The following FOXI1 variants were observed in gnomAD, a reference collection of about 807,000 sequenced individuals.
The protein encoded by FOXI1 is forkhead box protein I1.
In FOXI1, 11 loss-of-function variants were observed where a neutral mutation model predicts 16.4. The observed-to-expected ratio is 0.67, with a 90% CI of 0.42 to 1.11. FOXI1 has a LOEUF of 1.11. Ranked by LOEUF, FOXI1 falls within the 50% of genes least tolerant of loss-of-function variation. FOXI1 has a pLI of 0.00. For missense variants in FOXI1, 480 were observed against 506.1 expected (o/e 0.95, Z 0.49); for synonymous variants, 218 against 211.5 (o/e 1.03, Z -0.27).
Position 170,108,780 on chromosome 5 carries a change from C to T in FOXI1, c.*169C>T, listed in dbSNP as rs1330317635. On this transcript the variant is annotated 3_prime_UTR_variant, in exon 2 of 2. Transcript: ENST00000306268. ...CACTGGTTAAGGCTTCTGTTTATCACACATAGGCCCACACACAGACTCACC... is the reference window on the plus strand; with the variant it reads ...CACTGGTTAAGGCTTCTGTTTATCATACATAGGCCCACACACAGACTCACC... The T allele has an allele frequency of 1.6e-6, 1 of 639,530 alleles. No homozygotes were observed. The highest frequency in any genetic ancestry group is 2.8e-6 in the Non-Finnish European group (1 of 359,968). 39.6% of individuals were successfully genotyped at this position (639,530 alleles called of 1,614,324 possible).
chr5:170,106,190 G>A lies in FOXI1; in HGVS notation c.233G>A (p.Gly78Asp), dbSNP rs1297992207. Residue 78 changes from glycine (G) to aspartate (D), a missense_variant, in exon 1 of 2, where the codon GGC becomes GAC. This residue lies in a region of FOXI1 where 219 missense variants were observed against 222.9 expected (regional missense o/e 0.98). Transcript: ENST00000306268. ...ATGACCCCGCCACCCTACCTGCCCG[G>A]CCCCAACGCCAGCCCCTTCCTGCCC... ...PTMTPPPYLPGPNASPFLPQA... is the reference protein window; with the variant it reads ...PTMTPPPYLPDPNASPFLPQA... 1.3e-6 allele frequency: 2 copies of A among 1,586,372 alleles called. No homozygotes were observed. The highest frequency in any genetic ancestry group is 8.6e-7 in the Non-Finnish European group (1 of 1,165,442).
rs773987289 is a variant in FOXI1 at position 170,106,519 on chromosome 5, G to A, written c.562G>A (p.Glu188Lys). Residue 188 changes from glutamate to lysine, a missense_variant, in exon 1 of 2, where the codon GAG becomes AAG. Physicochemically the swap from Glu to Lys is moderately conservative, Grantham distance 56. Around this residue, in one of 3 missense-constraint regions of FOXI1, gnomAD observed 257 missense variants for 262.2 expected, o/e 0.98. Transcript: ENST00000306268. Reference sequence around the variant, plus strand: ...CTGCTTCAAGAAGGTGCCCCGCGACGAGGACGACCCGGGTAAGGAGGCTTT... The same window carrying A: ...CTGCTTCAAGAAGGTGCCCCGCGACAAGGACGACCCGGGTAAGGAGGCTTT... ...NDCFKKVPRD[E>K]DDPGKGNYWT... The A allele has an allele frequency of 6.8e-6, 11 of 1,614,128 alleles. No homozygotes were observed. Among genetic ancestry groups the A allele is most frequent in the Admixed American group, 3.3e-5 (2 of 60,014 alleles).
rs977988172 is a variant in FOXI1 at position 170,109,720 on chromosome 5, C to T, written c.*1109C>T. The T allele has an allele frequency of 1.3e-5, 2 of 152,136 alleles. No individual in the cohort carries two copies. Among genetic ancestry groups the T allele is most frequent in the African/African-American group, 4.8e-5 (2 of 41,440 alleles). The allele number at this position is 152,136 out of a possible 1,614,324, so 9.4% of individuals were successfully genotyped here. On this transcript the variant is annotated 3_prime_UTR_variant, in exon 2 of 2. Transcript: ENST00000306268. The stretch of plus-strand genomic sequence containing the variant: ...ATTTTCTTTTTAATTAAAAAACAAA[C>T]AAACATGTGGTGCAGAAGCGTGGGA...
chr5:170,108,730 C>A lies in FOXI1; in HGVS notation c.*119C>A, dbSNP rs6873124. 172,583 of 791,022 alleles carry A rather than the reference C, an allele frequency of 0.22. 23,562 individuals carry two copies. The highest frequency in any genetic ancestry group is 0.52 in the African/African-American group (30,408 of 58,984). The allele number at this position is 791,022 out of a possible 1,614,324, so 49.0% of individuals were successfully genotyped here. On this transcript the variant is annotated 3_prime_UTR_variant, in exon 2 of 2. Coordinates refer to ENST00000306268, the MANE Select transcript of FOXI1 (RefSeq NM_012188.5). Reference sequence around the variant, plus strand: ...CTGCCCAGACATAAGCAGGAGCCTCCGAGGAATCCACCCTCTTTCTAGAAC... The same window carrying A: ...CTGCCCAGACATAAGCAGGAGCCTCAGAGGAATCCACCCTCTTTCTAGAAC...
In FOXI1 at chr5:170,105,902, G is replaced by C; in HGVS notation, c.-56G>C. ...GCCGGGCCTGCTGAGCACCTGTCAG[G>C]GGCAGCTCCGGGGTGCAGGTGCCAG... On this transcript the variant is annotated 5_prime_UTR_variant, in exon 1 of 2. Coordinates refer to ENST00000306268, the MANE Select transcript of FOXI1 (RefSeq NM_012188.5). 7.5e-7 allele frequency: 1 copy of C among 1,333,704 alleles called. No homozygotes were observed. The highest frequency in any genetic ancestry group is 1.1e-6 in the Non-Finnish European group (1 of 942,144). 82.6% of individuals were successfully genotyped at this position (1,333,704 alleles called of 1,614,324 possible). A position where few individuals can be genotyped will look rare whatever the true frequency, so the allele number is the denominator to read the frequency against.
intron 1 of FOXI1, chr5:170,107,040 T>C: frequency 1.0e-6 from 1 of 983,196 alleles, no homozygotes; most frequent in South Asian, 4.7e-5. Context: ...CCCATTTTGC[T>C]GCCTGCCTTG....
At chr5:170,106,934 G>A (rs1256583446) in intron 1 of FOXI1, 2 of 971,940 alleles carry the variant, frequency 2.1e-6, no homozygotes, top group East Asian at 1.1e-4. Flanking sequence ...CACATAGAAA[G>A]TCTTTGGTGA....
At position 170,108,111 on chromosome 5, in the gene FOXI1, C is replaced by T. The variant is rs775317199; in HGVS notation, c.637C>T (p.Arg213Cys). The T allele has an allele frequency of 1.8e-5, 29 of 1,614,024 alleles. No individual in the cohort carries two copies. Among genetic ancestry groups the T allele is most frequent in the African/African-American group, 2.7e-5 (2 of 74,912 alleles). ...GAAAATGTTCGACAATGGAAATTTC[C>T]GCAGGAAAAGGAAGAGAAAATCAGA... ...CEKMFDNGNF[R>C]RKRKRKSDVS... The change falls in exon 2 of 2, where the codon CGC (arginine) becomes TGC (cysteine). Residue 213 changes from arginine to cysteine, a missense_variant. Physicochemically the swap from Arg to Cys is radical, Grantham distance 180. This residue lies in a region of FOXI1 where 257 missense variants were observed against 262.2 expected (regional missense o/e 0.98). Coordinates refer to ENST00000306268, the MANE Select transcript of FOXI1 (RefSeq NM_012188.5).
Position 170,108,286 on chromosome 5 carries a change from C to T in FOXI1, c.812C>T (p.Pro271Leu). 6.2e-7 allele frequency: 1 copy of T among 1,614,132 alleles called. No homozygotes were observed. Among genetic ancestry groups the T allele is most frequent in the Non-Finnish European group, 8.5e-7 (1 of 1,180,020 alleles). ...TCCCCAGAGAAGCGGCCCTCCCCTC[C>T]CCCATCAGGCGCCCCTTGCCTTAAC... Reference protein sequence around the residue: ...TSSPEKRPSPPPSGAPCLNSF... With the variant: ...TSSPEKRPSPLPSGAPCLNSF... Residue 271 changes from proline (P) to leucine (L), a missense_variant, in exon 2 of 2, where the codon CCC (proline) becomes CTC (leucine). Pro to Leu is a moderately conservative substitution (Grantham distance 98, BLOSUM62 -3). Around this residue, in one of 3 missense-constraint regions of FOXI1, gnomAD observed 257 missense variants for 262.2 expected, o/e 0.98. Coordinates refer to ENST00000306268, the MANE Select transcript of FOXI1 (RefSeq NM_012188.5).
At position 170,108,757 on chromosome 5, in the gene FOXI1, C is replaced by T. The variant is rs1168677593; in HGVS notation, c.*146C>T. On this transcript the variant is annotated 3_prime_UTR_variant, in exon 2 of 2. Coordinates refer to ENST00000306268, the MANE Select transcript of FOXI1 (RefSeq NM_012188.5). ...AGGAATCCACCCTCTTTCTAGAACA[C>T]TGGTTAAGGCTTCTGTTTATCACAC... The T allele has an allele frequency of 8.9e-6, 6 of 676,686 alleles. No homozygotes were observed. Among genetic ancestry groups the T allele is most frequent in the East Asian group, 2.7e-5 (1 of 37,470 alleles). The allele number at this position is 676,686 out of a possible 1,614,324, so 41.9% of individuals were successfully genotyped here.
rs145129881 is a variant in FOXI1 at position 170,108,297 on chromosome 5, G to T, written c.823G>T (p.Ala275Ser). The T allele has an allele frequency of 6.2e-7, 1 of 1,614,048 alleles. No homozygotes were observed. Among genetic ancestry groups the T allele is most frequent in the Middle Eastern group, 1.6e-4 (1 of 6,062 alleles). ...EKRPSPPPSGAPCLNSFLSSM... is the reference protein window; with the variant it reads ...EKRPSPPPSGSPCLNSFLSSM... ...GCGGCCCTCCCCTCCCCCATCAGGC[G>T]CCCCTTGCCTTAACAGCTTCCTTTC... is the stretch of plus-strand genomic sequence containing the variant. The change falls in exon 2 of 2, where the codon GCC becomes TCC. Residue 275 changes from alanine to serine, a missense_variant. Coordinates refer to ENST00000306268, the MANE Select transcript of FOXI1 (RefSeq NM_012188.5).
In FOXI1 at chr5:170,108,657, C is replaced by A; in HGVS notation, c.*46C>A. On this transcript the variant is annotated 3_prime_UTR_variant, in exon 2 of 2. Coordinates refer to ENST00000306268, the MANE Select transcript of FOXI1 (RefSeq NM_012188.5). ...CAGGTGGACATGCCAGAGAGAAAAG[C>A]AGTAGAGGTCCTCCATGCCAGCCCC... 1.4e-6 allele frequency: 2 copies of A among 1,454,152 alleles called. No homozygotes were observed. The highest frequency in any genetic ancestry group is 1.1e-5 in the South Asian group (1 of 87,908). 90.1% of individuals were successfully genotyped at this position (1,454,152 alleles called of 1,614,324 possible). A position where few individuals can be genotyped will look rare whatever the true frequency, so the allele number is the denominator to read the frequency against.
chr5:170,107,824 G>A (rs996050183), intron 1 of FOXI1, among the ~76,000 whole-genome samples: 1 of 152,174 alleles, frequency 6.6e-6, no homozygotes, highest in African/African-American at 2.4e-5. Flanking sequence ...TAATGCTCAT[G>A]CCTCTCGGCT....
chr5:170,106,266 G>T lies in FOXI1; in HGVS notation c.309G>T (p.Gly103=), dbSNP rs1375178612. ...TGCTGCCCAGCGTGTCGGGGCTTGG[G>T]GGGAGCGACCTGGGCTGGCTGCCCA... ...RPLLPSVSGL[G]GSDLGWLPIP... is the part of the protein sequence containing the mutation. The change falls in exon 1 of 2, where the codon GGG becomes GGT. Residue 103 remains glycine (G), a synonymous_variant. Transcript: ENST00000306268. 1.3e-6 allele frequency: 2 copies of T among 1,580,756 alleles called. No individual in the cohort carries two copies. The highest frequency in any genetic ancestry group is 4.7e-5 in the East Asian group (2 of 42,418).
At position 170,108,506 on chromosome 5, in the gene FOXI1, C is replaced by G; in HGVS notation, c.1032C>G (p.Asn344Lys). ...GGDWANPMPT[N>K]MLSYGGSVLS... ...ACTGGGCGAACCCCATGCCCACCAA[C>G]ATGCTCAGCTATGGAGGATCTGTGC... Residue 344 changes from asparagine to lysine, a missense_variant, in exon 2 of 2, where the codon AAC (asparagine) becomes AAG (lysine). Coordinates refer to ENST00000306268, the MANE Select transcript of FOXI1 (RefSeq NM_012188.5). 1 of 1,604,936 alleles carries G rather than the reference C, an allele frequency of 6.2e-7. No homozygotes were observed. Among genetic ancestry groups the G allele is most frequent in the Non-Finnish European group, 8.5e-7 (1 of 1,173,956 alleles).
chr5:170,108,349 G>C lies in FOXI1; in HGVS notation c.875G>C (p.Gly292Ala), dbSNP rs1187110822. 2 of 1,614,166 alleles carry C rather than the reference G, an allele frequency of 1.2e-6. No homozygotes were observed. Among genetic ancestry groups the C allele is most frequent in the East Asian group, 4.5e-5 (2 of 44,872 alleles). ...LSSMTAYVSGGSPTSHPLVTP... is the reference protein window; with the variant it reads ...LSSMTAYVSGASPTSHPLVTP... The stretch of plus-strand genomic sequence containing the variant: ...TCTATGACAGCCTATGTGAGCGGGG[G>C]GAGCCCCACGAGCCACCCCTTGGTC... Residue 292 changes from glycine to alanine, a missense_variant, in exon 2 of 2, where the codon GGG (glycine) becomes GCG (alanine). Physicochemically the swap from Gly to Ala is moderately conservative, Grantham distance 60 (BLOSUM62 0). Transcript: ENST00000306268.
In FOXI1 at chr5:170,108,748, T is replaced by C; in HGVS notation, c.*137T>C. 1 of 710,574 alleles carries C rather than the reference T, an allele frequency of 1.4e-6. No homozygotes were observed. The highest frequency in any genetic ancestry group is 1.6e-5 in the South Asian group (1 of 62,510). The allele number at this position is 710,574 out of a possible 1,614,324, so 44.0% of individuals were successfully genotyped here. On this transcript the variant is annotated 3_prime_UTR_variant, in exon 2 of 2. Coordinates refer to ENST00000306268, the MANE Select transcript of FOXI1 (RefSeq NM_012188.5). The stretch of plus-strand genomic sequence containing the variant: ...GAGCCTCCGAGGAATCCACCCTCTT[T>C]CTAGAACACTGGTTAAGGCTTCTGT...
chr5:170,106,783 A>G (rs1296945548), intron 1 of FOXI1: 1 of 260,546 alleles, frequency 3.8e-6, no homozygotes, highest in African/African-American at 2.3e-5. Flanking sequence ...CAGTTCCCTC[A>G]TCGGAAAACC....
chr5:170,108,512 C>G lies in FOXI1; in HGVS notation c.1038C>G (p.Leu346=). The G allele has an allele frequency of 6.2e-7, 1 of 1,605,708 alleles. No homozygotes were observed. Among genetic ancestry groups the G allele is most frequent in the Non-Finnish European group, 8.5e-7 (1 of 1,174,538 alleles). The part of the protein sequence containing the change: ...DWANPMPTNM[L]SYGGSVLSQF... ...CGAACCCCATGCCCACCAACATGCT[C>G]AGCTATGGAGGATCTGTGCTCAGCC... Residue 346 remains leucine, a synonymous_variant, in exon 2 of 2, where the codon CTC becomes CTG. Transcript: ENST00000306268.
Sources: allele counts gnomAD v4.1 joint callset (sites outside exome capture counted in the v4.1 genomes callset), GRCh38; gene constraint gnomAD v4.1.1; regional missense constraint gnomAD v4.1.1; transcripts MANE v1.5; gene names NCBI Gene and HGNC (gene_info 2026-07-23, HGNC 2026-07-21).